The following MAPK4 variants were observed in gnomAD, a reference collection of about 807,000 sequenced individuals.
MAPK4 encodes mitogen-activated protein kinase 4, also known as Erk3-related.
Under a neutral mutation model 47.7 loss-of-function variants are expected in MAPK4, and 22 were observed. The observed-to-expected ratio is 0.46, with a 90% confidence interval of 0.33 to 0.66. MAPK4 has a LOEUF of 0.66. Among genes scored for constraint, MAPK4 ranks in the 30% least tolerant of loss-of-function variants. The pLI, the probability that MAPK4 is intolerant of heterozygous loss-of-function variation, is 0.02. For missense variants in MAPK4, 736 were observed against 831.7 expected, an observed-to-expected ratio of 0.88 and a Z score of 1.42; for synonymous variants, 390 against 365.7, an observed-to-expected ratio of 1.07 and a Z score of -0.76.
Position 50,729,456 on chromosome 18 carries a change from C to G in MAPK4, c.1366C>G (p.Leu456Val). The change falls in exon 6 of 6, where the codon CTC becomes GTC. Residue 456 changes from leucine (L) to valine (V), a missense_variant. This residue lies in a region of MAPK4 where 377 missense variants were observed against 378.6 expected (regional missense o/e 1.00). Transcript: ENST00000400384. ...NKPHHYSEPK[L>V]ILDLSHWKQA... ...GCCGCACCACTACTCGGAGCCCAAGCTCATCCTGGACCTGTCGCACTGGAA... is the reference window on the plus strand; with the variant it reads ...GCCGCACCACTACTCGGAGCCCAAGGTCATCCTGGACCTGTCGCACTGGAA... The G allele has an allele frequency of 6.6e-7, 1 of 1,523,368 alleles. No homozygotes were observed. The highest frequency in any genetic ancestry group is 8.8e-7 in the Non-Finnish European group (1 of 1,130,116). 94.4% of individuals were successfully genotyped at this position (1,523,368 alleles called of 1,614,324 possible).
chr18:50,608,972 G>C (rs1209880736), intron 1 of MAPK4, among the ~76,000 whole-genome samples: 3 of 151,972 alleles, frequency 2.0e-5, no homozygotes, highest in Non-Finnish European at 4.4e-5. Context: ...AGCACATCTT[G>C]CACCACCCTT....
chr18:50,692,145 T>C (rs1183063030), intron 2 of MAPK4, among the ~76,000 whole-genome samples: 1 of 152,236 alleles, frequency 6.6e-6, no homozygotes, highest in Non-Finnish European at 1.5e-5. Flanking sequence ...TCTTCAGGCA[T>C]CAGCTAGCAG....
In MAPK4 at chr18:50,729,184, T is replaced by G. The variant is rs1309636778; in HGVS notation, c.1094T>G (p.Leu365Arg). 6.3e-7 allele frequency: 1 copy of G among 1,589,018 alleles called. No individual in the cohort carries two copies. The highest frequency in any genetic ancestry group is 2.3e-5 in the East Asian group (1 of 44,186). The stretch of plus-strand genomic sequence containing the variant: ...TACCCTGTGAGCCTGTCGTCGGACC[T>G]GGAGTGGCGGCCTGACCGGTGCCAG... The part of the protein sequence containing the change: ...SRYPVSLSSD[L>R]EWRPDRCQDA... Residue 365 changes from leucine to arginine, a missense_variant, in exon 6 of 6, where the codon CTG (leucine) becomes CGG (arginine). Physicochemically the swap from Leu to Arg is moderately radical, Grantham distance 102. Around this residue, in one of 3 missense-constraint regions of MAPK4, gnomAD observed 377 missense variants for 378.6 expected, o/e 1.00. Transcript: ENST00000400384.
chr18:50,566,407 G>A (rs1050529036), intron 1 of MAPK4, among the ~76,000 whole-genome samples: 3 of 152,210 alleles, frequency 2.0e-5, no homozygotes, highest in African/African-American at 7.2e-5. Flanking sequence ...TGGTTAGATG[G>A]CTTGCCAAGG....
At chr18:50,631,444 C>G (rs961494468) in intron 1 of MAPK4, among the ~76,000 whole-genome samples, 5 of 152,148 alleles carry the variant, frequency 3.3e-5, no homozygotes, top group African/African-American at 1.2e-4. Flanking sequence ...TCCATGAGAC[C>G]ACTCCATTGT....
chr18:50,642,030 T>C (rs1258890195), intron 1 of MAPK4, among the ~76,000 whole-genome samples: 2 of 152,182 alleles, frequency 1.3e-5, no homozygotes, highest in Non-Finnish European at 2.9e-5. Flanking sequence ...AAACAAAATA[T>C]GTTTGTGGCC....
Position 50,632,763 on chromosome 18 carries a change from G to C in MAPK4, c.-870-30326G>C, listed in dbSNP as rs2042843368. ...GGCTCCTGAGTAGCTGAGAATATAG[G>C]CATGTACCACCATACCCAGCTAATT... is the stretch of plus-strand genomic sequence containing the variant. On this transcript the variant is annotated intron_variant, in intron 1 of 5. Transcript: ENST00000400384. 2.0e-5 allele frequency among the ~76,000 whole-genome samples: 3 copies of C among 151,818 alleles called. No individual in the cohort carries two copies. In the South Asian group the frequency reaches 6.3e-4, roughly 32 times the overall value.
chr18:50,706,367 TA>T (rs376847838), intron 2 of MAPK4, among the ~76,000 whole-genome samples: 1 of 151,804 alleles, frequency 6.6e-6, no homozygotes, highest in African/African-American at 2.4e-5. Context: ...TGGGGAGCTG[TA>T]AAAAAATCAC....
At chr18:50,563,277 A>T (rs1309898622) in intron 1 of MAPK4, among the ~76,000 whole-genome samples, 2 of 152,256 alleles carry the variant, frequency 1.3e-5, no homozygotes, top group African/African-American at 4.8e-5. Flanking sequence ...GGCAAAGACA[A>T]CTAACAAAGA....
Position 50,729,633 on chromosome 18 carries a change from G to T in MAPK4, c.1543G>T (p.Glu515Ter). 1 of 1,453,562 alleles carries T rather than the reference G, an allele frequency of 6.9e-7. No homozygotes were observed. Among genetic ancestry groups the T allele is most frequent in the Non-Finnish European group, 9.1e-7 (1 of 1,101,792 alleles). 90.0% of individuals were successfully genotyped at this position (1,453,562 alleles called of 1,614,324 possible). A position where few individuals can be genotyped will look rare whatever the true frequency, so the allele number is the denominator to read the frequency against. Reference protein sequence around the residue: ...EHASPPADDPERRLSASPPGR... With the variant: ...EHASPPADDP Reference sequence around the variant, plus strand: ...CGCCAGCCCGCCCGCCGACGACCCCGAGCGCCGCTTGTCTGCCTCGCCCCC... The same window carrying T: ...CGCCAGCCCGCCCGCCGACGACCCCTAGCGCCGCTTGTCTGCCTCGCCCCC... Residue 515 changes from glutamate (E) to a stop codon, truncating the protein, a stop_gained, in exon 6 of 6, where the codon GAG (glutamate) becomes TAG (stop). Coordinates refer to ENST00000400384, the MANE Select transcript of MAPK4 (RefSeq NM_002747.4). LOFTEE classifies it high-confidence loss of function.
intron 1 of MAPK4, among the ~76,000 whole-genome samples, chr18:50,654,874 A>G (rs967351910): frequency 1.3e-5 from 2 of 152,220 alleles, no homozygotes; most frequent in African/African-American, 4.8e-5. Flanking sequence ...GCTGAGAGGC[A>G]TGGGAAGGCT....
rs1264809564 is a variant in MAPK4, at chr18:50,682,788, T to C, written c.546+18284T>C. Among the ~76,000 whole-genome samples the C allele has an allele frequency of 2.0e-5, 3 of 152,226 alleles. No homozygotes were observed. In the East Asian group the frequency reaches 5.8e-4, roughly 29 times the overall value. The stretch of plus-strand genomic sequence containing the variant: ...GTTCATAGAAAGACTTGTATACAAA[T>C]GTTCATCACAGCTTTTCCATAACCA... On this transcript the variant is annotated intron_variant, in intron 2 of 5. Transcript: ENST00000400384.
intron 1 of MAPK4, among the ~76,000 whole-genome samples, chr18:50,561,209 A>G (rs2042150561): frequency 6.6e-6 from 1 of 152,156 alleles, no homozygotes; most frequent in South Asian, 2.1e-4. Flanking sequence ...CGAAAGCACT[A>G]CCTCGAGACG....
chr18:50,623,641 T>G (rs1299369272), intron 1 of MAPK4, among the ~76,000 whole-genome samples: 1 of 152,092 alleles, frequency 6.6e-6, no homozygotes, highest in East Asian at 1.9e-4. Flanking sequence ...CTGTTCCAAT[T>G]ATTGTGGGGA....
chr18:50,652,731 A>G (rs989676552), intron 1 of MAPK4, among the ~76,000 whole-genome samples: 2 of 152,160 alleles, frequency 1.3e-5, no homozygotes, highest in African/African-American at 4.8e-5. Flanking sequence ...CCAGTCAAAC[A>G]TCAAACACAG....
intron 2 of MAPK4, among the ~76,000 whole-genome samples, chr18:50,665,640 A>G (rs554283710): frequency 7.2e-5 from 11 of 152,188 alleles, no homozygotes; most frequent in Non-Finnish European, 1.5e-4. Flanking sequence ...GCTGCAGTGC[A>G]GGGCATCACA....
chr18:50,627,224 T>G (rs1475244597), intron 1 of MAPK4, among the ~76,000 whole-genome samples: 4 of 152,058 alleles, frequency 2.6e-5, no homozygotes. Flanking sequence ...TCTGCTGTCC[T>G]TGCACATCGA....
chr18:50,708,033 G>T (rs776293550), intron 2 of MAPK4, among the ~76,000 whole-genome samples: 1 of 152,210 alleles, frequency 6.6e-6, no homozygotes, highest in South Asian at 2.1e-4. Flanking sequence ...GTAATAGAAC[G>T]TGCCAGATGA....
intron 1 of MAPK4, among the ~76,000 whole-genome samples, chr18:50,609,426 GTCT>G (rs1348335837): frequency 6.7e-6 from 1 of 149,070 alleles, no homozygotes; most frequent in African/African-American, 2.5e-5. Context: ...GGCGAGATAT[GTCT>G]TCTTCTTGGG....
Sources: gnomAD v4.1 joint callset for allele counts (sites outside exome capture counted in the v4.1 genomes callset) on GRCh38, gnomAD v4.1.1 for gene constraint, gnomAD v4.1.1 regional missense constraint, MANE v1.5 for transcripts, NCBI Gene and HGNC (gene_info 2026-07-23, HGNC 2026-07-21) for gene names.